The following MYO5B variants were observed in gnomAD, a reference collection of about 807,000 sequenced individuals.
MYO5B encodes myosin VB.
MYO5B carries 143 observed loss-of-function variants against 229.3 expected under a neutral mutation model. That is an observed-to-expected ratio of 0.62 (90% CI 0.54 to 0.72). The LOEUF (loss-of-function observed/expected upper bound fraction) is 0.72, where lower values mean the gene tolerates loss of function less well. Among genes scored for constraint, MYO5B ranks in the 30% least tolerant of loss-of-function variants. The pLI, the probability that MYO5B is intolerant of heterozygous loss-of-function variation, is 0.00. For synonymous variants in MYO5B, 918 were observed against 885.2 expected (o/e 1.04, Z -0.66); for missense variants, 2,321 against 2,331.0 (o/e 1.00, Z 0.09).
At position 49,971,332 on chromosome 18, in the gene MYO5B, G is replaced by A. The variant is rs2025690082; in HGVS notation, c.1322+3018C>T. On this transcript the variant is annotated intron_variant, in intron 10 of 39. Transcript: ENST00000285039. The stretch of plus-strand genomic sequence containing the variant: ...AATGACCACATTAAAAAACAAAAAA[G>A]GCAGGTTTGGTGGGTTTCTGGAAGG... 2.0e-5 allele frequency among the ~76,000 whole-genome samples: 3 copies of A among 152,148 alleles called. No homozygotes were observed. The South Asian group carries it at 6.2e-4, about 32-fold the overall frequency.
intron 1 of MYO5B, among the ~76,000 whole-genome samples, chr18:50,069,559 C>T (rs2030903151): frequency 6.6e-6 from 1 of 152,160 alleles, no homozygotes. Context: ...GCATGCTTGT[C>T]CCCGTTGCCC....
intron 27 of MYO5B, among the ~76,000 whole-genome samples, chr18:49,870,357 C>CAA (rs2024443556): frequency 1.3e-5 from 2 of 152,128 alleles, no homozygotes; most frequent in Admixed American, 6.5e-5. Flanking sequence ...AAACATAGGG[C>CAA]AAAAGCCTTA....
chr18:50,015,686 C>T (rs545971064), intron 4 of MYO5B, among the ~76,000 whole-genome samples: 43 of 152,304 alleles, frequency 2.8e-4, no homozygotes, highest in African/African-American at 8.7e-4. Context: ...CATGAAGTCA[C>T]GCCACATTAT....
chr18:50,094,859 GCT>G lies in MYO5B; in HGVS notation c.28-39483_28-39482del, dbSNP rs2031520023. Among the ~76,000 whole-genome samples, 5 of 151,870 alleles carry G rather than the reference GCT, an allele frequency of 3.3e-5. No individual in the cohort carries two copies. The East Asian group carries it at 7.7e-4, about 23-fold the overall frequency. On this transcript the variant is annotated intron_variant, in intron 1 of 39. Transcript: ENST00000285039. ...GTACATTTTTTTTTAAAACAGTCTCGCTCTGTCACTCAGCCTTGAGTGCAGTG... is the reference window on the plus strand; with the variant it reads ...GTACATTTTTTTTTAAAACAGTCTCGCTGTCACTCAGCCTTGAGTGCAGTG...
At chr18:50,175,026 G>C (rs1456449929) in intron 1 of MYO5B, among the ~76,000 whole-genome samples, 2 of 152,206 alleles carry the variant, frequency 1.3e-5, no homozygotes, top group African/African-American at 2.4e-5. Flanking sequence ...TTGATCTAAA[G>C]CTAAATCATC....
chr18:50,012,875 G>A (rs2026177805), intron 4 of MYO5B, among the ~76,000 whole-genome samples: 1 of 152,166 alleles, frequency 6.6e-6, no homozygotes, highest in Non-Finnish European at 1.5e-5. Flanking sequence ...CACATCATGG[G>A]TCCAACCACA....
intron 1 of MYO5B, among the ~76,000 whole-genome samples, chr18:50,115,723 A>C (rs1313871633): frequency 6.6e-6 from 1 of 151,828 alleles, no homozygotes; most frequent in Non-Finnish European, 1.5e-5. Flanking sequence ...CCAACATTTA[A>C]ATCCCCATTA....
At chr18:49,909,119 G>A (rs1480511855) in intron 18 of MYO5B, among the ~76,000 whole-genome samples, 1 of 152,224 alleles carries the variant, frequency 6.6e-6, no homozygotes, top group Non-Finnish European at 1.5e-5. Context: ...ACAGGGTGGG[G>A]AACTGGCATG....
chr18:50,001,068 G>C (rs2026041471), intron 5 of MYO5B, among the ~76,000 whole-genome samples, 187 bp downstream of exon 5: 1 of 152,194 alleles, frequency 6.6e-6, no homozygotes, highest in Non-Finnish European at 1.5e-5. Flanking sequence ...CCAGTACTGG[G>C]AACCTAAAGA....
At chr18:50,174,255 G>A (rs1248740435) in intron 1 of MYO5B, among the ~76,000 whole-genome samples, 1 of 152,188 alleles carries the variant, frequency 6.6e-6, no homozygotes, top group Non-Finnish European at 1.5e-5. Context: ...ACTGGCTCAT[G>A]TGGAACTTAA....
chr18:50,115,916 C>T (rs909044298), intron 1 of MYO5B, among the ~76,000 whole-genome samples: 4 of 152,040 alleles, frequency 2.6e-5, no homozygotes, highest in Non-Finnish European at 5.9e-5. Flanking sequence ...TTTAAACGAA[C>T]AGGTTTTGAA....
chr18:49,898,018 T>C (rs2024799561), intron 21 of MYO5B, among the ~76,000 whole-genome samples: 1 of 152,204 alleles, frequency 6.6e-6, no homozygotes, highest in Non-Finnish European at 1.5e-5. Context: ...ACAAATATCA[T>C]TGTGTTACAC....
At chr18:49,905,042 T>C (rs2024884636) in intron 19 of MYO5B, among the ~76,000 whole-genome samples, 1 of 152,220 alleles carries the variant, frequency 6.6e-6, no homozygotes, top group Admixed American at 6.5e-5. Context: ...TCTTTCCTTA[T>C]GGTCTCGAAA....
chr18:50,041,793 A>T (rs1427807140), intron 2 of MYO5B, among the ~76,000 whole-genome samples: 1 of 152,240 alleles, frequency 6.6e-6, no homozygotes, highest in Non-Finnish European at 1.5e-5. Context: ...TATAATTTAA[A>T]ACTTTAAACC....
Position 49,853,593 on chromosome 18 carries a change from C to T in MYO5B, c.4077G>A (p.Glu1359=), listed in dbSNP as rs1198544943. The stretch of plus-strand genomic sequence containing the variant: ...GGGCCTCGAGCTGAGCCTTGAGATG[C>T]TCCACCTCCTCCTCATGCTCCAGGC... ...AQSLEHEEEV[E]HLKAQLEALK... The change falls in exon 31 of 40, where the codon GAG becomes GAA. Residue 1359 remains glutamate (E), a synonymous_variant. Coordinates refer to ENST00000285039, the MANE Select transcript of MYO5B (RefSeq NM_001080467.3). The T allele has an allele frequency of 6.2e-7, 1 of 1,614,122 alleles. No homozygotes were observed. Among genetic ancestry groups the T allele is most frequent in the Admixed American group, 1.7e-5 (1 of 60,032 alleles).
At chr18:49,936,609 G>A (rs2025253195) in intron 15 of MYO5B, among the ~76,000 whole-genome samples, 1 of 152,098 alleles carries the variant, frequency 6.6e-6, no homozygotes, top group South Asian at 2.1e-4. Context: ...CTAACTCCCA[G>A]TGCTGTGGAT....
chr18:49,893,811 C>T (rs1258893999), intron 22 of MYO5B, among the ~76,000 whole-genome samples: 1 of 152,166 alleles, frequency 6.6e-6, no homozygotes, highest in Admixed American at 6.5e-5. Flanking sequence ...ATAACCTCCA[C>T]GGATGTCTGT....
intron 35 of MYO5B, chr18:49,840,648 A>G (rs951852176): frequency 3.3e-5 from 5 of 152,502 alleles, no homozygotes; most frequent in Non-Finnish European, 7.3e-5. Context: ...TATCTGGAAC[A>G]AGCTGGGATT....
In MYO5B at chr18:50,070,229, T is replaced by C. The variant is rs757680964; in HGVS notation, c.28-14851A>G. Among the ~76,000 whole-genome samples, 68 of 152,034 alleles carry C rather than the reference T, an allele frequency of 4.5e-4. 1 individual carries two copies. The highest frequency in any genetic ancestry group is 1.3e-4 in the Admixed American group (2 of 15,264). ...AGTAGAGACAAGGTTTCACCATGTT[T>C]ACCAGGCTAGTCTTGAACTCCTGAC... On this transcript the variant is annotated intron_variant, in intron 1 of 39. Transcript: ENST00000285039.
Sources: allele counts gnomAD v4.1 joint callset (sites outside exome capture counted in the v4.1 genomes callset), GRCh38; gene constraint gnomAD v4.1.1; transcripts MANE v1.5; gene names NCBI Gene and HGNC (gene_info 2026-07-23, HGNC 2026-07-21).